PCSK1: variants seen among roughly 807,000 people sequenced by gnomAD.
PCSK1 encodes neuroendocrine convertase 1.
A neutral mutation model predicts 90.6 loss-of-function variants in PCSK1; 56 were observed. That is an observed-to-expected ratio of 0.62 (90% CI 0.50 to 0.77). The LOEUF (loss-of-function observed/expected upper bound fraction) is 0.77. Among genes scored for constraint, PCSK1 ranks in the 30% least tolerant of loss-of-function variants. The probability of loss-of-function intolerance (pLI) is 0.00; values close to 1 mark genes in which losing one functional copy is unlikely to be tolerated. For missense variants in PCSK1, 801 were observed against 932.6 expected (o/e 0.86, Z 1.84); for synonymous variants, 348 against 342.4 (o/e 1.02, Z -0.18).
rs1369917789 is a variant in PCSK1 at position 96,399,892 on chromosome 5, A to C, written c.1430+61T>G. 2.3e-6 allele frequency: 3 copies of C among 1,320,824 alleles called. No individual in the cohort carries two copies. The African/African-American group carries it at 4.3e-5, about 19-fold the overall frequency. The allele number at this position is 1,320,824 out of a possible 1,614,324, so 81.8% of individuals were successfully genotyped here. ...TACAAAAAAATCAGGCAGAATGGCA[A>C]ACATAGTAATGAAATTATGCCATGG... is the stretch of plus-strand genomic sequence containing the variant. On this transcript the variant is annotated intron_variant, in intron 10 of 13. Transcript: ENST00000311106.
chr5:96,410,485 A>T (rs1760717625), intron 8 of PCSK1, among the ~76,000 whole-genome samples: 1 of 152,050 alleles, frequency 6.6e-6, no homozygotes, highest in South Asian at 2.1e-4. Flanking sequence ...TCAGACAAGC[A>T]GAAAAGACAT....
chr5:96,427,042 G>A (rs1274726905), intron 2 of PCSK1, among the ~76,000 whole-genome samples: 1 of 152,114 alleles, frequency 6.6e-6, no homozygotes, highest in Non-Finnish European at 1.5e-5. Context: ...GTTGATCTCT[G>A]GAAGCTGACT....
At chr5:96,411,343 C>A (rs1281907111) in intron 7 of PCSK1, among the ~76,000 whole-genome samples, 1 of 152,216 alleles carries the variant, frequency 6.6e-6, no homozygotes, top group Non-Finnish European at 1.5e-5. Flanking sequence ...TTTCTTTCTG[C>A]TTCAATCTTC....
intron 3 of PCSK1, among the ~76,000 whole-genome samples, chr5:96,425,003 G>GAAAGA (rs1213030558): frequency 2.8e-5 from 3 of 106,466 alleles, no homozygotes; most frequent in African/African-American, 8.4e-5. Flanking sequence ...GAAAGAGAAA[G>GAAAGA]AAAGAAAAGA....
In PCSK1 at chr5:96,390,428, C is replaced by T. The variant is rs1219795865; in HGVS notation, c.*2573G>A. 6.6e-6 allele frequency: 1 copy of T among 152,152 alleles called. No homozygotes were observed. Among genetic ancestry groups the T allele is most frequent in the African/African-American group, 2.4e-5 (1 of 41,416 alleles). 9.4% of individuals were successfully genotyped at this position (152,152 alleles called of 1,614,324 possible). On this transcript the variant is annotated 3_prime_UTR_variant, in exon 14 of 14. Transcript: ENST00000311106. ...CATATTTTACATATTCTGGTCAATACATCAAATGTATAATGTGGAAGTTCC... is the reference window on the plus strand; with the variant it reads ...CATATTTTACATATTCTGGTCAATATATCAAATGTATAATGTGGAAGTTCC...
At chr5:96,417,404 A>G (rs1760970999) in intron 5 of PCSK1, among the ~76,000 whole-genome samples, 1 of 151,936 alleles carries the variant, frequency 6.6e-6, no homozygotes, top group Non-Finnish European at 1.5e-5. Flanking sequence ...CTGTTTGGGG[A>G]AGCAGCCCTC....
At chr5:96,403,084 C>T (rs1240090386) in intron 9 of PCSK1, among the ~76,000 whole-genome samples, 2 of 152,082 alleles carry the variant, frequency 1.3e-5, no homozygotes, top group Non-Finnish European at 2.9e-5. Flanking sequence ...ACTGAGGAGG[C>T]TTAAGGCAAG....
rs1021761032 is a variant in PCSK1 at position 96,391,821 on chromosome 5, T to A, written c.*1180A>T. 2.0e-5 allele frequency: 3 copies of A among 152,242 alleles called. No homozygotes were observed. Among genetic ancestry groups the A allele is most frequent in the Non-Finnish European group, 2.9e-5 (2 of 68,048 alleles). The allele number at this position is 152,242 out of a possible 1,614,324, so 9.4% of individuals were successfully genotyped here. A position where few individuals can be genotyped will look rare whatever the true frequency, so the allele number is the denominator to read the frequency against. Reference sequence around the variant, plus strand: ...ATATTTTCAATAACCACTCATATTTTAAAAACATTCTGCATACCAAACAAA... The same window carrying A: ...ATATTTTCAATAACCACTCATATTTAAAAAACATTCTGCATACCAAACAAA... On this transcript the variant is annotated 3_prime_UTR_variant, in exon 14 of 14. Coordinates refer to ENST00000311106, the MANE Select transcript of PCSK1 (RefSeq NM_000439.5).
rs761736517 is a variant in PCSK1 at position 96,433,015 on chromosome 5, A to C, written c.28T>G (p.Cys10Gly). Residue 10 changes from cysteine to glycine, a missense_variant, in exon 1 of 14, where the codon TGC becomes GGC. By Grantham distance (159) the Cys-to-Gly change is radical. Coordinates refer to ENST00000311106, the MANE Select transcript of PCSK1 (RefSeq NM_000439.5). MERRAWSLQ[C>G]TAFVLFCAWC... is the part of the protein sequence containing the mutation. ...GCGCAAAAGAGGACGAAAGCAGTGC[A>C]CTGCAGACTCCAGGCTCTTCGCTCC... is the stretch of plus-strand genomic sequence containing the variant. 72 of 1,614,086 alleles carry C rather than the reference A, an allele frequency of 4.5e-5. No homozygotes were observed. The Admixed American group carries it at 1.2e-3, about 27-fold the overall frequency.
At position 96,398,120 on chromosome 5, in the gene PCSK1, C is replaced by T. The variant is rs1345617482; in HGVS notation, c.1589-651G>A. 3.3e-5 allele frequency among the ~76,000 whole-genome samples: 5 copies of T among 152,268 alleles called. No individual in the cohort carries two copies. The East Asian group carries it at 7.7e-4, about 23-fold the overall frequency. ...GTCTATCAATTAAAAAAGCATTCCACCAATATTTCAGGTTAATTCCAATAC... is the reference window on the plus strand; with the variant it reads ...GTCTATCAATTAAAAAAGCATTCCATCAATATTTCAGGTTAATTCCAATAC... On this transcript the variant is annotated intron_variant, in intron 11 of 13. Transcript: ENST00000311106.
intron 1 of PCSK1, among the ~76,000 whole-genome samples, chr5:96,429,895 A>G (rs1761437751): frequency 6.6e-6 from 1 of 152,204 alleles, no homozygotes; most frequent in African/African-American, 2.4e-5. Context: ...CATTGGAGGA[A>G]ATACATGTTT....
chr5:96,402,487 C>T (rs1359289828), intron 9 of PCSK1, among the ~76,000 whole-genome samples: 1 of 152,158 alleles, frequency 6.6e-6, no homozygotes. Context: ...CACTCAGACT[C>T]AGTGCCTGGT....
chr5:96,397,618 G>T, intron 11 of PCSK1, 149 bp from the exon 12 acceptor site: 1 of 688,800 alleles, frequency 1.5e-6, no homozygotes, highest in Non-Finnish European at 2.5e-6. Context: ...ACACTCACAA[G>T]GAAAAAATAT....
chr5:96,413,963 C>CAAA lies in PCSK1; in HGVS notation c.710-1476_710-1474dup, dbSNP rs61316405. 8.6e-3 allele frequency among the ~76,000 whole-genome samples: 192 copies of CAAA among 22,422 alleles called. 5 individuals carry two copies. Among genetic ancestry groups the CAAA allele is most frequent in the African/African-American group, 0.017 (180 of 10,382 alleles). 14.7% of individuals were successfully genotyped at this position (22,422 alleles called of 152,430 possible). A position where few individuals can be genotyped will look rare whatever the true frequency, so the allele number is the denominator to read the frequency against. On this transcript the variant is annotated intron_variant, in intron 6 of 13. Coordinates refer to ENST00000311106, the MANE Select transcript of PCSK1 (RefSeq NM_000439.5). ...TGAAACCCTGTCTCCACTAAAAATA[C>CAAA]AAAAAAAAAAAAAAAAAAAAAAAAA...
At chr5:96,401,972 T>C (rs1201384893) in intron 9 of PCSK1, among the ~76,000 whole-genome samples, 1 of 152,210 alleles carries the variant, frequency 6.6e-6, no homozygotes, top group Non-Finnish European at 1.5e-5. Context: ...TTCCTCGACT[T>C]TGAGACCTGT....
rs1262608725 is a variant in PCSK1 at position 96,392,411 on chromosome 5, T to C, written c.*590A>G. On this transcript the variant is annotated 3_prime_UTR_variant, in exon 14 of 14. Coordinates refer to ENST00000311106, the MANE Select transcript of PCSK1 (RefSeq NM_000439.5). Reference sequence around the variant, plus strand: ...CAGAGCATTCAGATTTCAAGATCTGTTTCTAGATCTAAATAATCCAGCTTT... The same window carrying C: ...CAGAGCATTCAGATTTCAAGATCTGCTTCTAGATCTAAATAATCCAGCTTT... The C allele has an allele frequency of 6.5e-6, 1 of 153,668 alleles. No homozygotes were observed. The highest frequency in any genetic ancestry group is 1.4e-5 in the Non-Finnish European group (1 of 69,058). 9.5% of individuals were successfully genotyped at this position (153,668 alleles called of 1,614,324 possible).
Position 96,423,430 on chromosome 5 carries a change from G to T in PCSK1, c.426C>A (p.Pro142=), listed in dbSNP as rs1242317466. Residue 142 remains proline, a synonymous_variant, in exon 4 of 14, where the codon CCC becomes CCA. Coordinates refer to ENST00000311106, the MANE Select transcript of PCSK1 (RefSeq NM_000439.5). ...CAGGTATCACATGAAGGTCCAGCTT[G>T]GGCAGGGCTGCCGTCATCCTGGTAT... ...LQDTRMTAAL[P]KLDLHVIPVW... is the part of the protein sequence containing the mutation. 6.2e-7 allele frequency: 1 copy of T among 1,614,060 alleles called. No homozygotes were observed. The highest frequency in any genetic ancestry group is 2.2e-5 in the East Asian group (1 of 44,884).
intron 1 of PCSK1, among the ~76,000 whole-genome samples, chr5:96,431,469 G>T (rs1356736483): frequency 6.6e-6 from 1 of 152,132 alleles, no homozygotes; most frequent in African/African-American, 2.4e-5. Context: ...ATTACAATCA[G>T]TTGCAATCAT....
chr5:96,409,220 C>T lies in PCSK1; in HGVS notation c.1096-897G>A, dbSNP rs373116252. On this transcript the variant is annotated intron_variant, in intron 8 of 13. Coordinates refer to ENST00000311106, the MANE Select transcript of PCSK1 (RefSeq NM_000439.5). ...GCTGGTTGGGCCAAGGGATTACTAACAAGACACCCACCCAGGCTCCAGCAC... is the reference window on the plus strand; with the variant it reads ...GCTGGTTGGGCCAAGGGATTACTAATAAGACACCCACCCAGGCTCCAGCAC... 2.8e-4 allele frequency among the ~76,000 whole-genome samples: 43 copies of T among 152,300 alleles called. 1 individual carries two copies. The East Asian group carries it at 6.6e-3, about 23-fold the overall frequency.
Sources: allele counts gnomAD v4.1 joint callset (sites outside exome capture counted in the v4.1 genomes callset), GRCh38; gene constraint gnomAD v4.1.1; transcripts MANE v1.5; gene names NCBI Gene and HGNC (gene_info 2026-07-23, HGNC 2026-07-21).